Variants in CACUL1 observed in about 807,000 individuals in gnomAD.
CACUL1 encodes CDK2 associated cullin domain 1, also known as CDK2-associated and cullin domain-containing protein 1.
CACUL1 carries 13 observed loss-of-function variants against 45.2 expected under a neutral mutation model. The ratio of observed to expected loss-of-function variants is 0.29; its 90% CI spans 0.19 to 0.46. The LOEUF is 0.46. CACUL1 is among the 20% of genes least tolerant of loss of function. The probability of loss-of-function intolerance (pLI) is 1.00; values close to 1 mark genes in which losing one functional copy is unlikely to be tolerated. For synonymous variants in CACUL1, 197 were observed against 174.2 expected, an observed-to-expected ratio of 1.13 and a Z score of -1.03; for missense variants, 421 against 471.4, an observed-to-expected ratio of 0.89 and a Z score of 0.99.
intron 3 of CACUL1, chr10:118,726,178 C>T: frequency 4.6e-6 from 2 of 437,926 alleles, no homozygotes; most frequent in South Asian, 3.8e-5. Flanking sequence ...CTGGCACCGT[C>T]TCTTGATCTG....
At position 118,754,475 on chromosome 10, in the gene CACUL1, C is replaced by G. The variant is rs1445100968; in HGVS notation, c.288G>C (p.Ala96=). 1.9e-5 allele frequency: 30 copies of G among 1,610,180 alleles called. No individual in the cohort carries two copies. The highest frequency in any genetic ancestry group is 2.4e-5 in the Non-Finnish European group (28 of 1,178,456). Residue 96 remains alanine, a synonymous_variant, in exon 1 of 9, where the codon GCG becomes GCC. Transcript: ENST00000369151. ...GGGCCGCCTTGGCCACGGCGGCGGCCGCGTCGCAGCTCTTCAACATCATGA... is the reference window on the plus strand; with the variant it reads ...GGGCCGCCTTGGCCACGGCGGCGGCGGCGTCGCAGCTCTTCAACATCATGA... ...GVIMMLKSCD[A]AAAVAKAAPA...
intron 3 of CACUL1, among the ~76,000 whole-genome samples, chr10:118,708,147 C>CAA (rs34008762): frequency 0.28 from 29,146 of 103,554 alleles, 4,654 homozygotes; most frequent in East Asian, 0.59. Flanking sequence ...AACACTGTCT[C>CAA]AAAAAAAAAA....
intron 1 of CACUL1, among the ~76,000 whole-genome samples, chr10:118,746,684 T>C (rs974439471): frequency 2.0e-5 from 3 of 152,130 alleles, no homozygotes; most frequent in Non-Finnish European, 4.4e-5. Flanking sequence ...AAAACAGTAA[T>C]AATAGTTGTC....
rs1417238342 is a variant in CACUL1 at position 118,677,843 on chromosome 10, T to A, written c.*8285A>T. On this transcript the variant is annotated 3_prime_UTR_variant, in exon 9 of 9. Transcript: ENST00000369151. The stretch of plus-strand genomic sequence containing the variant: ...CCCTGTATACGTTTCTTGGTACACA[T>A]GCACATGAGTTTTTCTAAGTATAAA... The A allele has an allele frequency of 6.6e-6, 1 of 152,240 alleles. No homozygotes were observed. 9.4% of individuals were successfully genotyped at this position (152,240 alleles called of 1,614,324 possible).
rs1845105789 is a variant in CACUL1, at chr10:118,677,069, A to C, written c.*9059T>G. On this transcript the variant is annotated 3_prime_UTR_variant, in exon 9 of 9. Transcript: ENST00000369151. ...TGAATGGTATGATAGGAATCAGTTT[A>C]ATGTTCTCTAATTATACCAGCACCT... The C allele has an allele frequency of 6.6e-6, 1 of 152,178 alleles. No individual in the cohort carries two copies. The highest frequency in any genetic ancestry group is 2.4e-5 in the African/African-American group (1 of 41,446). 9.4% of individuals were successfully genotyped at this position (152,178 alleles called of 1,614,324 possible).
chr10:118,752,937 C>T (rs769060239), intron 1 of CACUL1, among the ~76,000 whole-genome samples: 22 of 152,052 alleles, frequency 1.4e-4, no homozygotes, highest in Non-Finnish European at 3.2e-4. Flanking sequence ...TTATTTGCAT[C>T]TTTTTTTCTT....
chr10:118,694,507 A>C (rs1252986133), intron 6 of CACUL1, among the ~76,000 whole-genome samples: 2 of 152,132 alleles, frequency 1.3e-5, no homozygotes, highest in Non-Finnish European at 2.9e-5. Context: ...TCTCTCTCCC[A>C]TGGACATTTA....
At chr10:118,710,066 C>G (rs1176547782) in intron 3 of CACUL1, among the ~76,000 whole-genome samples, 1 of 150,904 alleles carries the variant, frequency 6.6e-6, no homozygotes, top group African/African-American at 2.5e-5. Flanking sequence ...GTATGCAGCA[C>G]TAGGCCTGCC....
At chr10:118,745,918 C>T (rs1320692774) in intron 1 of CACUL1, among the ~76,000 whole-genome samples, 1 of 150,548 alleles carries the variant, frequency 6.6e-6, no homozygotes, top group East Asian at 1.9e-4. Context: ...GTGGGTGGAT[C>T]GCAAGGTCAG....
intron 3 of CACUL1, among the ~76,000 whole-genome samples, chr10:118,723,717 C>T (rs1484431756): frequency 6.6e-6 from 1 of 152,124 alleles, no homozygotes; most frequent in Non-Finnish European, 1.5e-5. Context: ...TGGTATCTCT[C>T]CAGAATTTAC....
chr10:118,730,700 TTC>T (rs1365707215), intron 1 of CACUL1, among the ~76,000 whole-genome samples: 2 of 152,200 alleles, frequency 1.3e-5, no homozygotes, highest in Non-Finnish European at 2.9e-5. Context: ...TCCTGTAAGC[TTC>T]TGTCATTAGT....
chr10:118,726,947 G>C (rs1186876041), intron 3 of CACUL1, among the ~76,000 whole-genome samples: 1 of 152,074 alleles, frequency 6.6e-6, no homozygotes, highest in African/African-American at 2.4e-5. Flanking sequence ...TTTAATAATG[G>C]TTACAATCGT....
intron 4 of CACUL1, among the ~76,000 whole-genome samples, chr10:118,704,917 G>A (rs1032029088): frequency 1.3e-5 from 2 of 152,236 alleles, no homozygotes; most frequent in African/African-American, 4.8e-5. Flanking sequence ...GGTACAAGCT[G>A]TAACACAGGC....
intron 4 of CACUL1, among the ~76,000 whole-genome samples, chr10:118,703,471 T>C (rs887116872): frequency 1.3e-5 from 2 of 152,212 alleles, no homozygotes; most frequent in African/African-American, 2.4e-5. Context: ...ATTTAAATAA[T>C]AGTCCCTACT....
intron 1 of CACUL1, among the ~76,000 whole-genome samples, chr10:118,739,666 G>C (rs767525089): frequency 2.0e-5 from 3 of 152,172 alleles, no homozygotes; most frequent in Non-Finnish European, 2.9e-5. Context: ...TAAAAAGGAA[G>C]ACAAGCAATC....
At position 118,678,604 on chromosome 10, in the gene CACUL1, A is replaced by G. The variant is rs989672543; in HGVS notation, c.*7524T>C. 2 of 150,412 alleles carry G rather than the reference A, an allele frequency of 1.3e-5. No homozygotes were observed. Among genetic ancestry groups the G allele is most frequent in the African/African-American group, 5.0e-5 (2 of 40,386 alleles). The allele number at this position is 150,412 out of a possible 1,614,324, so 9.3% of individuals were successfully genotyped here. On this transcript the variant is annotated 3_prime_UTR_variant, in exon 9 of 9. Coordinates refer to ENST00000369151, the MANE Select transcript of CACUL1 (RefSeq NM_153810.5). ...GTTATCCCTTATATTCTCTACACTT[A>G]TTTAGGTCCATTAAGTTTTTTTTTT...
chr10:118,699,884 G>A (rs1029598437), intron 5 of CACUL1, among the ~76,000 whole-genome samples: 2 of 151,658 alleles, frequency 1.3e-5, no homozygotes, highest in African/African-American at 4.8e-5. Context: ...TCCTGACCTC[G>A]TGATCCGCCG....
Position 118,682,371 on chromosome 10 carries a change from C to T in CACUL1, c.*3757G>A, listed in dbSNP as rs534853866. 1 of 151,948 alleles carries T rather than the reference C, an allele frequency of 6.6e-6. No homozygotes were observed. The highest frequency in any genetic ancestry group is 2.1e-4 in the South Asian group (1 of 4,802). The allele number at this position is 151,948 out of a possible 1,614,324, so 9.4% of individuals were successfully genotyped here. The stretch of plus-strand genomic sequence containing the variant: ...GGCAATGCTTCTTGCATAATAATCA[C>T]AAAAATAATTAACTGCTATAAAACG... On this transcript the variant is annotated 3_prime_UTR_variant, in exon 9 of 9. Transcript: ENST00000369151.
intron 6 of CACUL1, among the ~76,000 whole-genome samples, chr10:118,694,313 A>G (rs1393020686): frequency 6.6e-6 from 1 of 152,258 alleles, no homozygotes; most frequent in East Asian, 1.9e-4. Context: ...TAGTAATAAC[A>G]GCAGTGAATG....
Sources: allele counts gnomAD v4.1 joint callset (sites outside exome capture counted in the v4.1 genomes callset), GRCh38; gene constraint gnomAD v4.1.1; transcripts MANE v1.5; gene names NCBI Gene and HGNC (gene_info 2026-07-23, HGNC 2026-07-21).